GRM7: variants seen among roughly 807,000 people sequenced by gnomAD.
GRM7 encodes the protein glutamate metabotropic receptor 7.
GRM7 carries 35 observed loss-of-function variants against 84.5 expected under a neutral mutation model. The observed-to-expected ratio is 0.41, with a 90% CI of 0.32 to 0.55. The LOEUF (loss-of-function observed/expected upper bound fraction) is 0.55, where lower values mean the gene tolerates loss of function less well. Among genes scored for constraint, GRM7 ranks in the 20% least tolerant of loss-of-function variants. The probability of loss-of-function intolerance (pLI) is 0.19; values close to 1 mark genes in which losing one functional copy is unlikely to be tolerated. For synonymous variants in GRM7, 487 were observed against 455.1 expected (o/e 1.07, Z -0.89); for missense variants, 1,003 against 1,194.6 (o/e 0.84, Z 2.36).
chr3:7,445,287 G>T (rs1431843647), intron 5 of GRM7, among the ~76,000 whole-genome samples: 2 of 152,166 alleles, frequency 1.3e-5, no homozygotes, highest in African/African-American at 2.4e-5. Context: ...CCTTTTCCCT[G>T]TGTGGATAGG....
intron 8 of GRM7, among the ~76,000 whole-genome samples, chr3:7,652,403 C>A (rs1398440263): frequency 6.6e-6 from 1 of 152,182 alleles, no homozygotes; most frequent in Non-Finnish European, 1.5e-5. Context: ...CAGTACCCGG[C>A]AAAGAGCATT....
In GRM7 at chr3:6,863,105, T is replaced by C; in HGVS notation, c.519+1198T>C. On this transcript the variant is annotated intron_variant, in intron 1 of 9. Coordinates refer to ENST00000357716, the MANE Select transcript of GRM7 (RefSeq NM_000844.4). This position sits in a 1 kb window ranked among gnomAD's most constrained non-coding sequence, Gnocchi z 4.8. ...CCCTATATGTGCATCACTCTCTCTT[T>C]CTGTCTCTGTCTCCTTGCTGTTTTT... The C allele has an allele frequency of 2.7e-6, 1 of 374,178 alleles. No homozygotes were observed. Among genetic ancestry groups the C allele is most frequent in the Non-Finnish European group, 5.3e-6 (1 of 190,090 alleles). 23.2% of individuals were successfully genotyped at this position (374,178 alleles called of 1,614,324 possible).
intron 4 of GRM7, among the ~76,000 whole-genome samples, chr3:7,366,594 T>A (rs1450379740): frequency 6.6e-6 from 1 of 151,896 alleles, no homozygotes; most frequent in Admixed American, 6.6e-5. Context: ...TTGTCTTTAT[T>A]TTTCTGTAAG....
intron 6 of GRM7, among the ~76,000 whole-genome samples, chr3:7,458,482 A>G (rs1222228909): frequency 2.0e-5 from 3 of 152,248 alleles, no homozygotes; most frequent in South Asian, 4.1e-4. Flanking sequence ...AGACAGCTGC[A>G]TTAGAGAATC....
chr3:7,467,126 C>T (rs1252111563), intron 7 of GRM7, among the ~76,000 whole-genome samples: 6 of 152,122 alleles, frequency 3.9e-5, no homozygotes, highest in East Asian at 1.9e-4. Context: ...GTCGCTCTGT[C>T]GCCCGGGCTG....
intron 1 of GRM7, among the ~76,000 whole-genome samples, chr3:6,984,317 G>A (rs1694318488): frequency 6.6e-6 from 1 of 152,284 alleles, no homozygotes; most frequent in South Asian, 2.1e-4. Context: ...ACAAAAAGCA[G>A]AGTGCAAAAG....
chr3:7,249,781 A>T (rs1697910910), intron 2 of GRM7, among the ~76,000 whole-genome samples: 1 of 152,128 alleles, frequency 6.6e-6, no homozygotes, highest in South Asian at 2.1e-4. Flanking sequence ...TGTGAGAGAG[A>T]CCAAAAATAG....
At chr3:7,196,924 A>G (rs1695897707) in intron 2 of GRM7, among the ~76,000 whole-genome samples, 1 of 152,296 alleles carries the variant, frequency 6.6e-6, no homozygotes, top group Middle Eastern at 3.4e-3. Context: ...AAATAAACAA[A>G]TGAAGCTCAT....
At chr3:7,461,892 G>C (rs1372030211) in intron 7 of GRM7, among the ~76,000 whole-genome samples, 170 bp downstream of exon 7, 1 of 152,148 alleles carries the variant, frequency 6.6e-6, no homozygotes, top group Non-Finnish European at 1.5e-5. Context: ...TGATGGTGAT[G>C]ACGATGATGG....
chr3:7,135,301 T>C (rs550434936), intron 1 of GRM7, among the ~76,000 whole-genome samples: 1 of 152,300 alleles, frequency 6.6e-6, no homozygotes, highest in East Asian at 1.9e-4. Context: ...CTTCAATGAT[T>C]TTCCCTTTTG....
rs1017832806 is a variant in GRM7 at position 7,461,563 on chromosome 3, A to G, written c.1376-20A>G. On this transcript the variant is annotated intron_variant, in intron 6 of 9. Coordinates refer to ENST00000357716, the MANE Select transcript of GRM7 (RefSeq NM_000844.4). Reference sequence around the variant, plus strand: ...ATCTTGTTTAACTTTAGAATCTTTCATTTTTTCTGTCTTCCTTAGGTAGTG... The same window carrying G: ...ATCTTGTTTAACTTTAGAATCTTTCGTTTTTTCTGTCTTCCTTAGGTAGTG... 4 of 1,602,764 alleles carry G rather than the reference A, an allele frequency of 2.5e-6. No homozygotes were observed. The African/African-American group carries it at 4.0e-5, about 16-fold the overall frequency.
chr3:7,103,033 G>T (rs1479502086), intron 1 of GRM7, among the ~76,000 whole-genome samples: 1 of 151,612 alleles, frequency 6.6e-6, no homozygotes, highest in East Asian at 1.9e-4. Flanking sequence ...GCAACAACTG[G>T]GTAATTTAGA....
rs74618423 is a variant in GRM7, at chr3:7,300,218, G to T, written c.878+1393G>T. Among the ~76,000 whole-genome samples the T allele has an allele frequency of 6.6e-5, 10 of 152,218 alleles. No individual in the cohort carries two copies. In the East Asian group the frequency reaches 7.7e-4, roughly 12 times the overall value. On this transcript the variant is annotated intron_variant, in intron 3 of 9. Coordinates refer to ENST00000357716, the MANE Select transcript of GRM7 (RefSeq NM_000844.4). ...AGGTGAATCTTTTATTCAGGGTAAA[G>T]GTTTAATGGCCTGGGCCCTTAAGTT...
At chr3:7,637,472 A>G (rs747327322) in intron 8 of GRM7, among the ~76,000 whole-genome samples, 4 of 152,250 alleles carry the variant, frequency 2.6e-5, no homozygotes. Flanking sequence ...GATGCCAGGC[A>G]CAACCCTCTA....
At chr3:7,671,794 G>A (rs927165884) in intron 8 of GRM7, among the ~76,000 whole-genome samples, 1 of 152,012 alleles carries the variant, frequency 6.6e-6, no homozygotes, top group Non-Finnish European at 1.5e-5. Context: ...ACCAGTATGT[G>A]ACAGGGACTG....
intron 2 of GRM7, among the ~76,000 whole-genome samples, chr3:7,242,655 A>G (rs1559522511): frequency 6.6e-6 from 1 of 152,152 alleles, no homozygotes; most frequent in Non-Finnish European, 1.5e-5. Flanking sequence ...GGAGTTTTGA[A>G]TGTAAGATTT....
At chr3:7,282,275 T>A (rs1699279222) in intron 2 of GRM7, among the ~76,000 whole-genome samples, 1 of 152,186 alleles carries the variant, frequency 6.6e-6, no homozygotes, top group South Asian at 2.1e-4. Flanking sequence ...GTTAGAAGTC[T>A]AAAATATGCC....
In GRM7 at chr3:7,093,716, G is replaced by GAAAA. The variant is rs1698754216; in HGVS notation, c.520-52736_520-52735insAAAA. ...AAAAAAAAAAAAAAAAAAAAAAAAGGTAGTTAGTGGCCTTTGCTCTTTTAC... is the reference window on the plus strand; with the variant it reads ...AAAAAAAAAAAAAAAAAAAAAAAAGGAAAATAGTTAGTGGCCTTTGCTCTTTTAC... On this transcript the variant is annotated intron_variant, in intron 1 of 9. Coordinates refer to ENST00000357716, the MANE Select transcript of GRM7 (RefSeq NM_000844.4). 3.1e-4 allele frequency among the ~76,000 whole-genome samples: 4 copies of GAAAA among 12,742 alleles called. 1 individual carries two copies. The highest frequency in any genetic ancestry group is 7.3e-4 in the African/African-American group (2 of 2,734). 8.4% of individuals were successfully genotyped at this position (12,742 alleles called of 152,430 possible).
intron 7 of GRM7, among the ~76,000 whole-genome samples, chr3:7,556,828 G>A (rs906688986): frequency 2.0e-5 from 3 of 152,130 alleles, no homozygotes; most frequent in Non-Finnish European, 4.4e-5. Context: ...AAGGCTGGAG[G>A]ATGGAGGAGG....
Sources: gnomAD v4.1 joint callset for allele counts (sites outside exome capture counted in the v4.1 genomes callset) on GRCh38, gnomAD v4.1.1 for gene constraint, Gnocchi (gnomAD v3.1) non-coding constraint, MANE v1.5 for transcripts, NCBI Gene and HGNC (gene_info 2026-07-23, HGNC 2026-07-21) for gene names.